Variants in ENDOV observed in about 807,000 individuals in gnomAD.
ENDOV encodes hEndoV.
In ENDOV, 37 loss-of-function variants were observed where a neutral mutation model predicts 39.4. The ratio of observed to expected loss-of-function variants is 0.94; its 90% CI spans 0.72 to 1.23. The LOEUF (loss-of-function observed/expected upper bound fraction) is 1.23. Among genes scored for constraint, ENDOV ranks in the 50% most tolerant of loss-of-function variants. The probability of loss-of-function intolerance (pLI) is 0.00; values close to 1 mark genes in which losing one functional copy is unlikely to be tolerated. For synonymous variants in ENDOV, 186 were observed against 163.4 expected (o/e 1.14, Z -1.05); for missense variants, 441 against 375.7 (o/e 1.17, Z -1.44).
At chr17:80,421,530 G>T (rs1015880065) in intron 2 of ENDOV, among the ~76,000 whole-genome samples, 1 of 144,392 alleles carries the variant, frequency 6.9e-6, no homozygotes, top group Non-Finnish European at 1.5e-5. Context: ...GTGGGGGCGG[G>T]GTGGGGGTGC....
rs2082321211 is a variant in ENDOV at position 80,423,521 on chromosome 17, C to A, written c.405C>A (p.Gly135=). 1.4e-6 allele frequency: 2 copies of A among 1,428,632 alleles called. No individual in the cohort carries two copies. The highest frequency in any genetic ancestry group is 2.9e-5 in the African/African-American group (2 of 69,574). 88.5% of individuals were successfully genotyped at this position (1,428,632 alleles called of 1,614,324 possible). The change falls in exon 5 of 10, where the codon GGC becomes GGA. Residue 135 remains glycine, a splice_region_variant and synonymous_variant. Transcript: ENST00000518137. ...CCCACCCTCCTTTCTCTCTGGCAGG[C>A]TTTGGGGTGGCCTGCCACCTTGGCG... ...VDGNGVLHHR[G]FGVACHLGVL... is the part of the protein sequence containing the mutation.
chr17:80,430,484 C>T, intron 9 of ENDOV: 1 of 876,050 alleles, frequency 1.1e-6, no homozygotes, highest in Non-Finnish European at 1.6e-6. Context: ...CACTGAACCA[C>T]CTCTGCCCTG....
chr17:80,436,544 G>T lies in ENDOV; in HGVS notation c.*401G>T. On this transcript the variant is annotated 3_prime_UTR_variant, in exon 10 of 10. Coordinates refer to ENST00000518137, the MANE Select transcript of ENDOV (RefSeq NM_173627.5). ...TATTGAAAAGATCCTGTGTTCTTCT[G>T]TGAATATGAGGTGTTACATTGATTG... is the stretch of plus-strand genomic sequence containing the variant. The T allele has an allele frequency of 2.6e-6, 1 of 381,602 alleles. No individual in the cohort carries two copies. The highest frequency in any genetic ancestry group is 2.5e-5 in the South Asian group (1 of 40,280). 23.6% of individuals were successfully genotyped at this position (381,602 alleles called of 1,614,324 possible). A position where few individuals can be genotyped will look rare whatever the true frequency, so the allele number is the denominator to read the frequency against.
rs886858742 is a variant in ENDOV, at chr17:80,415,731, G to T, written c.138G>T (p.Gln46His). The T allele has an allele frequency of 1.2e-6, 2 of 1,608,802 alleles. No homozygotes were observed. Among genetic ancestry groups the T allele is most frequent in the Non-Finnish European group, 1.7e-6 (2 of 1,177,740 alleles). The change falls in exon 2 of 10, where the codon CAG (glutamine) becomes CAT (histidine). Residue 46 changes from glutamine (Q) to histidine (H), a missense_variant. By Grantham distance (24) the Gln-to-His change is conservative. Transcript: ENST00000518137. ...WQRDPAFSGLQRVGGVDVSFV... is the reference protein window; with the variant it reads ...WQRDPAFSGLHRVGGVDVSFV... ...GAGACCCCGCCTTCTCGGGTCTGCA[G>T]AGGGTCGGGGGCGTTGACGTGTCCT...
intron 4 of ENDOV, among the ~76,000 whole-genome samples, chr17:80,423,234 A>G (rs114515781): frequency 1.1e-4 from 16 of 152,328 alleles, no homozygotes; most frequent in African/African-American, 3.8e-4. Context: ...GGTGCAGGAA[A>G]TGACCGGAGA....
intron 2 of ENDOV, among the ~76,000 whole-genome samples, chr17:80,419,114 A>C (rs914863043): frequency 6.1e-5 from 9 of 148,670 alleles, no homozygotes; most frequent in African/African-American, 2.2e-4. Context: ...CGGAGCTTGC[A>C]GTGAGCCGAG....
At chr17:80,419,075 A>T (rs1026545722) in intron 2 of ENDOV, among the ~76,000 whole-genome samples, 3 of 150,068 alleles carry the variant, frequency 2.0e-5, no homozygotes, top group African/African-American at 7.4e-5. Context: ...CGGGAGGCTG[A>T]GGCAGGAGAA....
chr17:80,431,772 C>T (rs769766233), intron 9 of ENDOV, among the ~76,000 whole-genome samples: 11 of 152,170 alleles, frequency 7.2e-5, no homozygotes, highest in East Asian at 3.9e-4. Context: ...CCCTTCCCAC[C>T]GAAAGGGGCA....
intron 1 of ENDOV, 64 bp from the exon 2 acceptor site, chr17:80,415,586 G>A (rs965019557): frequency 5.3e-5 from 83 of 1,556,354 alleles, no homozygotes; most frequent in Admixed American, 2.9e-4. Context: ...CTGCAGCCGC[G>A]CGGGTGGAGG....
chr17:80,434,173 C>T (rs1443421144), intron 9 of ENDOV, among the ~76,000 whole-genome samples: 1 of 152,042 alleles, frequency 6.6e-6, no homozygotes, highest in Non-Finnish European at 1.5e-5. Flanking sequence ...GACAGGCCTG[C>T]TGTGGGCGCC....
chr17:80,434,382 T>G (rs1298554050), intron 9 of ENDOV, among the ~76,000 whole-genome samples: 2 of 152,230 alleles, frequency 1.3e-5, no homozygotes, highest in Non-Finnish European at 2.9e-5. Context: ...TCAGGGCTTT[T>G]GTGAATAATG....
At chr17:80,426,450 G>C (rs900437712) in intron 7 of ENDOV, among the ~76,000 whole-genome samples, 2 of 152,126 alleles carry the variant, frequency 1.3e-5, no homozygotes, top group African/African-American at 2.4e-5. Context: ...GGAGTTTGAG[G>C]GCGCCCTAGG....
chr17:80,415,310 C>G (rs2080932968), intron 1 of ENDOV, 60 bp downstream of exon 1: 1 of 1,578,582 alleles, frequency 6.3e-7, no homozygotes, highest in Non-Finnish European at 8.7e-7. Context: ...CCTTCGCGGA[C>G]CCTCCGAGCT....
intron 8 of ENDOV, among the ~76,000 whole-genome samples, chr17:80,429,334 G>A (rs2083120723): frequency 6.6e-6 from 1 of 152,240 alleles, no homozygotes; most frequent in Non-Finnish European, 1.5e-5. Flanking sequence ...TTCTCTCAGT[G>A]TGGGCAGTTT....
intron 8 of ENDOV, among the ~76,000 whole-genome samples, chr17:80,429,416 G>C (rs1329881701): frequency 6.6e-6 from 1 of 152,232 alleles, no homozygotes; most frequent in East Asian, 1.9e-4. Flanking sequence ...GATCGCAGGA[G>C]GCCCCAGGCC....
chr17:80,424,275 G>A (rs1326396757), intron 5 of ENDOV: 2 of 399,152 alleles, frequency 5.0e-6, no homozygotes, highest in African/African-American at 4.1e-5. Context: ...ATAAAAATCT[G>A]TTGAGTTGAT....
Position 80,422,924 on chromosome 17 carries a change from C to T in ENDOV, c.404-596C>T, listed in dbSNP as rs545101358. ...ACGTGTTAGCCAGGATGGTCTTGAT[C>T]TCCTGACCTCGTGATCCGCCTGCCT... On this transcript the variant is annotated intron_variant, in intron 4 of 9. Transcript: ENST00000518137. Among the ~76,000 whole-genome samples the T allele has an allele frequency of 3.9e-3, 588 of 152,276 alleles. 3 individuals are homozygous for T. The highest frequency in any genetic ancestry group is 6.3e-3 in the Non-Finnish European group (426 of 68,010).
chr17:80,423,195 G>A (rs2082277489), intron 4 of ENDOV, among the ~76,000 whole-genome samples: 1 of 152,242 alleles, frequency 6.6e-6, no homozygotes, highest in Admixed American at 6.5e-5. Context: ...GCGCTGGCAG[G>A]CCACCGTCGA....
At position 80,415,677 on chromosome 17, in the gene ENDOV, C is replaced by G. The variant is rs772306366; in HGVS notation, c.84C>G (p.Val28=). Residue 28 remains valine, a synonymous_variant, in exon 2 of 10, where the codon GTC becomes GTG. Coordinates refer to ENST00000518137, the MANE Select transcript of ENDOV (RefSeq NM_173627.5). The part of the protein sequence containing the change: ...KREQARLKAH[V]VDRDTEAWQR... ...AGCAAGCTCGGCTGAAGGCCCACGT[C>G]GTAGACCGGGACACCGAGGCGTGGC... is the stretch of plus-strand genomic sequence containing the variant. 4.3e-6 allele frequency: 7 copies of G among 1,612,440 alleles called. No homozygotes were observed. The East Asian group carries it at 1.6e-4, about 36-fold the overall frequency.
Sources: allele counts gnomAD v4.1 joint callset (sites outside exome capture counted in the v4.1 genomes callset), GRCh38; gene constraint gnomAD v4.1.1; transcripts MANE v1.5; gene names NCBI Gene and HGNC (gene_info 2026-07-23, HGNC 2026-07-21).